The following ANTXR1 variants were observed in gnomAD, a reference collection of about 807,000 sequenced individuals.
ANTXR1 encodes the protein anthrax toxin receptor 1.
ANTXR1 carries 19 observed loss-of-function variants against 78.1 expected under a neutral mutation model. The observed-to-expected ratio is 0.24, with a 90% CI of 0.17 to 0.36. ANTXR1 has a LOEUF of 0.36. Ranked by LOEUF, ANTXR1 falls within the 10% of genes least tolerant of loss-of-function variation. The probability of loss-of-function intolerance (pLI) is 1.00; values close to 1 mark genes in which losing one functional copy is unlikely to be tolerated. For synonymous variants in ANTXR1, 273 were observed against 260.5 expected, an observed-to-expected ratio of 1.05 and a Z score of -0.46; for missense variants, 518 against 718.6, an observed-to-expected ratio of 0.72 and a Z score of 3.19.
chr2:69,015,071 T>TAA (rs773687268), intron 1 of ANTXR1, among the ~76,000 whole-genome samples: 26 of 121,896 alleles, frequency 2.1e-4, no homozygotes, highest in African/African-American at 5.9e-4. Context: ...CAGGAAAATC[T>TAA]AAAAAAAAAA....
In ANTXR1 at chr2:69,092,670, A is replaced by T. The variant is rs543617855; in HGVS notation, c.703+1751A>T. On this transcript the variant is annotated intron_variant, in intron 9 of 17. Coordinates refer to ENST00000303714, the MANE Select transcript of ANTXR1 (RefSeq NM_032208.3). ...TAGATCGGTGAGAATCTCTTTAAGA[A>T]TTCAGAAATCTTACCTAGGCAAATT... is the stretch of plus-strand genomic sequence containing the variant. Among the ~76,000 whole-genome samples the T allele has an allele frequency of 1.6e-3, 238 of 152,322 alleles. 1 individual carries two copies. The highest frequency in any genetic ancestry group is 5.4e-3 in the African/African-American group (223 of 41,572).
chr2:69,208,375 A>T (rs1360182946), intron 17 of ANTXR1, among the ~76,000 whole-genome samples: 1 of 152,250 alleles, frequency 6.6e-6, no homozygotes. Context: ...GCCACTAGTC[A>T]CATGTGGCTA....
Position 69,013,661 on chromosome 2 carries a change from G to T in ANTXR1, c.152+10G>T, listed in dbSNP as rs1385287154. On this transcript the variant is annotated intron_variant, in intron 1 of 17. Transcript: ENST00000303714. This position sits in a 1 kb window ranked among gnomAD's most constrained non-coding sequence, Gnocchi z 5.0. ...ACTTCATTTTGGACAAGTAAGTGCC[G>T]CGAGTTGTCCCCCCCACCCCAGGCT... is the stretch of plus-strand genomic sequence containing the variant. 6.4e-7 allele frequency: 1 copy of T among 1,551,586 alleles called. No individual in the cohort carries two copies. The highest frequency in any genetic ancestry group is 2.4e-5 in the East Asian group (1 of 40,938).
intron 14 of ANTXR1, among the ~76,000 whole-genome samples, chr2:69,171,331 CA>C (rs1222567131): frequency 6.6e-6 from 1 of 152,200 alleles, no homozygotes; most frequent in African/African-American, 2.4e-5. Context: ...GCCCAGAAAT[CA>C]AGGGAGGAAA....
rs200379147 is a variant in ANTXR1 at position 69,036,679 on chromosome 2, T to TGC, written c.153-3364_153-3363dup. Among the ~76,000 whole-genome samples, 2,346 of 152,294 alleles carry TGC rather than the reference T, an allele frequency of 0.015. 89 individuals are homozygous for TGC. In the East Asian group the frequency reaches 0.16, roughly 10 times the overall value. On this transcript the variant is annotated intron_variant, in intron 1 of 17. Coordinates refer to ENST00000303714, the MANE Select transcript of ANTXR1 (RefSeq NM_032208.3). ...GGTTGTATGGACCAAAACACAGCAT[T>TGC]GCATTTCAGAAGTGGCCACTAATGG...
At chr2:69,181,650 C>A in intron 14 of ANTXR1, 136 bp from the exon 15 acceptor site, 1 of 861,434 alleles carries the variant, frequency 1.2e-6, no homozygotes, top group Non-Finnish European at 2.0e-6. Flanking sequence ...GCCCAAGGTT[C>A]TAGGAAACAG....
chr2:69,051,707 C>G (rs1256294349), intron 3 of ANTXR1, among the ~76,000 whole-genome samples: 2 of 151,948 alleles, frequency 1.3e-5, no homozygotes, highest in Non-Finnish European at 2.9e-5. Context: ...TTTACTTGAT[C>G]TATGAAGATA....
At chr2:69,170,401 CAA>C in intron 14 of ANTXR1, 112 bp downstream of exon 14, 1 of 1,290,908 alleles carries the variant, frequency 7.7e-7, no homozygotes. Flanking sequence ...AAGTCAAGCT[CAA>C]AGGATTTAAT....
chr2:69,101,515 C>CA (rs1218589440), intron 9 of ANTXR1, among the ~76,000 whole-genome samples: 1 of 152,178 alleles, frequency 6.6e-6, no homozygotes, highest in Non-Finnish European at 1.5e-5. Flanking sequence ...CAGACATGTA[C>CA]AATATTTCAC....
At chr2:69,060,141 G>C (rs1670190859) in intron 3 of ANTXR1, among the ~76,000 whole-genome samples, 1 of 152,112 alleles carries the variant, frequency 6.6e-6, no homozygotes, top group Non-Finnish European at 1.5e-5. Flanking sequence ...GACTATTCCT[G>C]TCTGCCAAGT....
intron 12 of ANTXR1, among the ~76,000 whole-genome samples, chr2:69,136,151 A>G (rs551760547): frequency 8.5e-5 from 13 of 152,328 alleles, no homozygotes; most frequent in Admixed American, 6.5e-4. Context: ...ATGCAATGAA[A>G]TATTCTCTGT....
At chr2:69,056,979 G>A (rs12464309) in intron 3 of ANTXR1, among the ~76,000 whole-genome samples, 3 of 152,032 alleles carry the variant, frequency 2.0e-5, no homozygotes, top group East Asian at 1.9e-4. Context: ...ACAACCAGCC[G>A]AAACTTTATT....
chr2:69,241,265 GA>G (rs768508056), intron 17 of ANTXR1, among the ~76,000 whole-genome samples: 2 of 152,142 alleles, frequency 1.3e-5, no homozygotes, highest in African/African-American at 2.4e-5. Context: ...ATGACGGTGA[GA>G]ACATCTGGCC....
intron 1 of ANTXR1, among the ~76,000 whole-genome samples, chr2:69,030,343 C>T (rs1671493930): frequency 6.6e-6 from 1 of 152,194 alleles, no homozygotes; most frequent in Non-Finnish European, 1.5e-5. Flanking sequence ...TTTCTCAATT[C>T]ACTTTATGAA....
chr2:69,151,755 A>C (rs1215246686), intron 12 of ANTXR1, among the ~76,000 whole-genome samples: 1 of 152,190 alleles, frequency 6.6e-6, no homozygotes, highest in African/African-American at 2.4e-5. Context: ...TCAGGGGAGC[A>C]GGCTGAATTC....
At chr2:69,137,796 A>C (rs1202612410) in intron 12 of ANTXR1, among the ~76,000 whole-genome samples, 1 of 151,666 alleles carries the variant, frequency 6.6e-6, no homozygotes, top group East Asian at 1.9e-4. Flanking sequence ...AAAAAAAAAA[A>C]AAAAAACAGT....
At chr2:69,143,840 G>A (rs887743693) in intron 12 of ANTXR1, among the ~76,000 whole-genome samples, 59 of 152,100 alleles carry the variant, frequency 3.9e-4, no homozygotes, top group African/African-American at 1.4e-3. Context: ...GGAAAGGAAC[G>A]GTCAGAGATA....
chr2:69,090,476 T>C (rs1344761592), intron 8 of ANTXR1, among the ~76,000 whole-genome samples: 1 of 152,130 alleles, frequency 6.6e-6, no homozygotes, highest in Non-Finnish European at 1.5e-5. Context: ...TCCTACTGTC[T>C]ACTCTTTCAC....
chr2:69,072,627 T>C (rs1236870971), intron 5 of ANTXR1, among the ~76,000 whole-genome samples: 1 of 152,246 alleles, frequency 6.6e-6, no homozygotes, highest in East Asian at 1.9e-4. Context: ...GTGTATGTGG[T>C]CCATTACAGC....
Sources: gnomAD v4.1 joint callset for allele counts (sites outside exome capture counted in the v4.1 genomes callset) on GRCh38, gnomAD v4.1.1 for gene constraint, Gnocchi (gnomAD v3.1) non-coding constraint, MANE v1.5 for transcripts, NCBI Gene and HGNC (gene_info 2026-07-23, HGNC 2026-07-21) for gene names.